IL1RN: variants seen among roughly 807,000 people sequenced by gnomAD.
IL1RN encodes the protein interleukin 1 receptor antagonist.
In IL1RN, 10 loss-of-function variants were observed where a neutral mutation model predicts 13.7. The observed-to-expected ratio is 0.73, with a 90% CI of 0.45 to 1.24. IL1RN has a LOEUF of 1.24. Ranked by LOEUF, IL1RN falls within the 50% of genes most tolerant of loss-of-function variation. IL1RN has a pLI of 0.00. For synonymous variants in IL1RN, 102 were observed against 82.7 expected (o/e 1.23, Z -1.27); for missense variants, 213 against 222.1 (o/e 0.96, Z 0.26).
intron 2 of IL1RN, among the ~76,000 whole-genome samples, 178 bp from the exon 3 acceptor site, chr2:113,130,867 G>C (rs1225687097): frequency 6.6e-5 from 10 of 152,180 alleles, no homozygotes; most frequent in Admixed American, 6.5e-4. Context: ...TAACTGGGTA[G>C]TGTGCTTGGT....
Position 113,128,554 on chromosome 2 carries a change from C to T in IL1RN, c.116+814C>T, listed in dbSNP as rs188614058. Among the ~76,000 whole-genome samples the T allele has an allele frequency of 4.3e-4, 65 of 152,256 alleles. 1 individual carries two copies. Among genetic ancestry groups the T allele is most frequent in the African/African-American group, 1.6e-3 (65 of 41,546 alleles). ...CTTCCCTAGGTTGCCTCTCCCTGCT[C>T]TGATCAGCTAGAAGCTCCAGGAGAT... is the stretch of plus-strand genomic sequence containing the variant. On this transcript the variant is annotated intron_variant, in intron 1 of 3. Coordinates refer to ENST00000409930, the MANE Select transcript of IL1RN (RefSeq NM_173842.3).
At chr2:113,121,152 CGTCTTCTTT>C (rs1558864432) in intron 2 of IL1RN, among the ~76,000 whole-genome samples, 1 of 151,626 alleles carries the variant, frequency 6.6e-6, no homozygotes, top group African/African-American at 2.4e-5. Context: ...TCTTCGTCTT[CGTCTTCTTT>C]TTATTTTCAA....
intron 1 of IL1RN, among the ~76,000 whole-genome samples, chr2:113,112,756 G>T (rs1363929338): frequency 1.3e-5 from 2 of 152,182 alleles, no homozygotes; most frequent in Non-Finnish European, 2.9e-5. Flanking sequence ...ATATTATGCT[G>T]TAATGTAGTT....
upstream of IL1RN, among the ~76,000 whole-genome samples, chr2:113,123,212 T>C (rs1686840412): frequency 6.6e-6 from 1 of 152,178 alleles, no homozygotes; most frequent in African/African-American, 2.4e-5. Flanking sequence ...TGAGAATAAC[T>C]AGAAAAGCTA....
chr2:113,106,900 T>G (rs1686394642), upstream of IL1RN, among the ~76,000 whole-genome samples: 1 of 98,408 alleles, frequency 1.0e-5, no homozygotes, highest in South Asian at 2.9e-4. Flanking sequence ...TGAGAAAGAA[T>G]TTTGAGCTTT....
At chr2:113,110,594 G>T (rs72950885), upstream of IL1RN, among the ~76,000 whole-genome samples, 1,370 of 152,216 alleles carry the variant, frequency 9.0e-3, 30 homozygotes, top group African/African-American at 0.032. Flanking sequence ...CTCACCTTGC[G>T]CAAAGATAAT....
At chr2:113,115,029 G>A (rs1338845234), upstream of IL1RN, among the ~76,000 whole-genome samples, 1 of 152,158 alleles carries the variant, frequency 6.6e-6, no homozygotes, top group Non-Finnish European at 1.5e-5. Context: ...AGCTGAGCAG[G>A]CTGAGCAGAT....
At chr2:113,104,367 A>AT (rs1479707661), upstream of IL1RN, among the ~76,000 whole-genome samples, 1 of 151,874 alleles carries the variant, frequency 6.6e-6, no homozygotes, top group African/African-American at 2.4e-5. Context: ...GTTCTGGGGG[A>AT]TGTTAGCAGT....
chr2:113,122,155 A>C (rs1686800402), intron 2 of IL1RN, among the ~76,000 whole-genome samples: 1 of 152,218 alleles, frequency 6.6e-6, no homozygotes, highest in African/African-American at 2.4e-5. Flanking sequence ...TGTCCACCCA[A>C]GCTGGATGCC....
At chr2:113,131,471 A>G (rs148389490) in intron 3 of IL1RN, among the ~76,000 whole-genome samples, 3 of 152,138 alleles carry the variant, frequency 2.0e-5, no homozygotes, top group Non-Finnish European at 4.4e-5. Context: ...CTCAACATGC[A>G]GGCGCTTATT....
intron 1 of IL1RN, among the ~76,000 whole-genome samples, chr2:113,129,055 T>C (rs1687064753): frequency 6.6e-6 from 1 of 152,234 alleles, no homozygotes; most frequent in Non-Finnish European, 1.5e-5. Flanking sequence ...GTTCCGTCTC[T>C]TGAAACTTCT....
chr2:113,117,458 T>C (rs574566529), upstream of IL1RN: 5 of 157,002 alleles, frequency 3.2e-5, no homozygotes, highest in African/African-American at 1.2e-4. Flanking sequence ...ATATCCTGCT[T>C]TGGATTTTCC....
upstream of IL1RN, chr2:113,127,457 G>T: frequency 1.4e-6 from 2 of 1,413,492 alleles, no homozygotes; most frequent in Non-Finnish European, 1.8e-6. Flanking sequence ...TAGTGGGGTT[G>T]AAAGTGACAA....
chr2:113,102,373 GCTCTAT>G (rs1558857079), upstream of IL1RN, among the ~76,000 whole-genome samples: 1 of 152,162 alleles, frequency 6.6e-6, no homozygotes. Context: ...TTTCTTATAG[GCTCTAT>G]CTTCAAATAC....
At chr2:113,115,270 A>G (rs188605415), upstream of IL1RN, among the ~76,000 whole-genome samples, 1 of 152,200 alleles carries the variant, frequency 6.6e-6, no homozygotes, top group East Asian at 1.9e-4. Context: ...CCAAGCTCTC[A>G]GTCTTCTCAC....
chr2:113,106,625 T>C (rs1261595486), upstream of IL1RN, among the ~76,000 whole-genome samples: 1 of 152,176 alleles, frequency 6.6e-6, no homozygotes, highest in Non-Finnish European at 1.5e-5. Flanking sequence ...TTCCTTTTTT[T>C]GAGAGTTTTG....
chr2:113,110,593 C>T (rs991831440), upstream of IL1RN, among the ~76,000 whole-genome samples: 6 of 152,150 alleles, frequency 3.9e-5, no homozygotes, highest in South Asian at 2.1e-4. Context: ...CCTCACCTTG[C>T]GCAAAGATAA....
chr2:113,117,547 A>G, upstream of IL1RN: 1 of 185,186 alleles, frequency 5.4e-6, no homozygotes, highest in Admixed American at 5.5e-5. Flanking sequence ...AGCGTTGGGG[A>G]CCTTGTCTGG....
upstream of IL1RN, among the ~76,000 whole-genome samples, chr2:113,124,925 C>G (rs1321723257): frequency 6.6e-6 from 1 of 152,152 alleles, no homozygotes; most frequent in African/African-American, 2.4e-5. Flanking sequence ...CCCCGAGCGT[C>G]TTTTCTCCAG....
Sources: gnomAD v4.1 joint callset for allele counts (sites outside exome capture counted in the v4.1 genomes callset) on GRCh38, gnomAD v4.1.1 for gene constraint, MANE v1.5 for transcripts, NCBI Gene and HGNC (gene_info 2026-07-23, HGNC 2026-07-21) for gene names.